The following TBC1D9B variants were observed in gnomAD, a reference collection of about 807,000 sequenced individuals.
TBC1D9B encodes the protein TBC1 domain family member 9B, also known as TBC1 domain family, member 9B (with GRAM domain).
A neutral mutation model predicts 121.1 loss-of-function variants in TBC1D9B; 87 were observed. That is an observed-to-expected ratio of 0.72 (90% CI 0.60 to 0.86). The LOEUF is 0.86. Among genes scored for constraint, TBC1D9B ranks in the 40% least tolerant of loss-of-function variants. The pLI, the probability that TBC1D9B is intolerant of heterozygous loss-of-function variation, is 0.00. For synonymous variants in TBC1D9B, 668 were observed against 670.1 expected, an observed-to-expected ratio of 1.00 and a Z score of 0.05; for missense variants, 1,540 against 1,628.6, an observed-to-expected ratio of 0.95 and a Z score of 0.94.
intron 14 of TBC1D9B, chr5:179,872,180 C>T (rs1033421544): frequency 2.6e-5 from 4 of 155,430 alleles, no homozygotes; most frequent in Non-Finnish European, 5.7e-5. Flanking sequence ...CCAGGATGGG[C>T]GTGGGGGAGC....
chr5:179,888,557 G>C (rs1363117906), intron 6 of TBC1D9B, among the ~76,000 whole-genome samples: 1 of 152,202 alleles, frequency 6.6e-6, no homozygotes, highest in East Asian at 1.9e-4. Context: ...GGGTGGTTCT[G>C]AGGATGATGT....
At position 179,902,501 on chromosome 5, in the gene TBC1D9B, G is replaced by A. The variant is rs926509806; in HGVS notation, c.229+2201C>T. On this transcript the variant is annotated intron_variant, in intron 2 of 20. Coordinates refer to ENST00000355235, the MANE Select transcript of TBC1D9B (RefSeq NM_015043.4). The surrounding 1 kb of genome is among the most constrained non-coding windows in gnomAD (Gnocchi z 4.9). Reference sequence around the variant, plus strand: ...TGGCAGGAAAGGGAGGCACAGCCAGGGCCAGTGCAGGGCTTTGGGCCTGGC... The same window carrying A: ...TGGCAGGAAAGGGAGGCACAGCCAGAGCCAGTGCAGGGCTTTGGGCCTGGC... Among the ~76,000 whole-genome samples, 1 of 152,192 alleles carries A rather than the reference G, an allele frequency of 6.6e-6. No individual in the cohort carries two copies. Among genetic ancestry groups the A allele is most frequent in the Admixed American group, 6.5e-5 (1 of 15,284 alleles).
At chr5:179,893,891 G>A (rs1760943073) in intron 4 of TBC1D9B, among the ~76,000 whole-genome samples, 1 of 152,212 alleles carries the variant, frequency 6.6e-6, no homozygotes, top group African/African-American at 2.4e-5. Flanking sequence ...GCAGGAGGGG[G>A]CACAGGGAGG....
intron 17 of TBC1D9B, chr5:179,869,525 T>C (rs1191584858): frequency 1.5e-6 from 1 of 666,468 alleles, no homozygotes; most frequent in Non-Finnish European, 2.8e-6. Flanking sequence ...GTGGGAGTTC[T>C]GTACCCAGCA....
rs1227893157 is a variant in TBC1D9B at position 179,875,193 on chromosome 5, G to A, written c.1901-6C>T. 4 of 1,611,814 alleles carry A rather than the reference G, an allele frequency of 2.5e-6. No homozygotes were observed. Among genetic ancestry groups the A allele is most frequent in the Admixed American group, 1.7e-5 (1 of 60,006 alleles). On this transcript the variant is annotated splice_polypyrimidine_tract_variant and splice_region_variant and intron_variant, in intron 11 of 20. Coordinates refer to ENST00000355235, the MANE Select transcript of TBC1D9B (RefSeq NM_015043.4). This position sits in a 1 kb window ranked among gnomAD's most constrained non-coding sequence, Gnocchi z 4.5. ...GCCTTGGTCCACCAGGGCTCCTGCG[G>A]GCAGGATGAGCGAGGCTGATGGTGA...
rs921377763 is a variant in TBC1D9B, at chr5:179,891,295, G to A, written c.1044+84C>T. ...TCCCAGGTACCCCCCAGTGAGACAGGGCAGAGCAGGACAGGCTGGTCCCTG... is the reference window on the plus strand; with the variant it reads ...TCCCAGGTACCCCCCAGTGAGACAGAGCAGAGCAGGACAGGCTGGTCCCTG... On this transcript the variant is annotated intron_variant, in intron 6 of 20. Transcript: ENST00000355235. The surrounding 1 kb of genome is among the most constrained non-coding windows in gnomAD (Gnocchi z 4.3). The A allele has an allele frequency of 2.6e-6, 4 of 1,510,208 alleles. No homozygotes were observed. Among genetic ancestry groups the A allele is most frequent in the East Asian group, 2.3e-5 (1 of 44,092 alleles). The allele number at this position is 1,510,208 out of a possible 1,614,324, so 93.6% of individuals were successfully genotyped here. A position where few individuals can be genotyped will look rare whatever the true frequency, so the allele number is the denominator to read the frequency against.
rs775677343 is a variant in TBC1D9B at position 179,871,483 on chromosome 5, C to G, written c.2463G>C (p.Glu821Asp). The G allele has an allele frequency of 9.3e-6, 15 of 1,613,182 alleles. No individual in the cohort carries two copies. In the South Asian group the frequency reaches 1.5e-4, roughly 17 times the overall value. Residue 821 changes from glutamate (E) to aspartate (D), a missense_variant, in exon 15 of 21, where the codon GAG (glutamate) becomes GAC (aspartate). Glu to Asp is a conservative substitution (Grantham distance 45). Transcript: ENST00000355235. ...TCACCTTAAACACCATGTAAAGGTC[C>G]TCCAGCTCTTCAATGGAGAAACCAA... ...VDIGFSIEELEDLYMVFKAKH... is the reference protein window; with the variant it reads ...VDIGFSIEELDDLYMVFKAKH...
Position 179,904,701 on chromosome 5 carries a change from C to T in TBC1D9B, c.229+1G>A, listed in dbSNP as rs1321071040. 4 of 1,563,724 alleles carry T rather than the reference C, an allele frequency of 2.6e-6. No homozygotes were observed. ...CACCCCTCACCACTCAGGGCACCTA[C>T]CACACGCCACTGTCCAGTAGACCTG... On this transcript the variant is annotated splice_donor_variant, in intron 2 of 20. Coordinates refer to ENST00000355235, the MANE Select transcript of TBC1D9B (RefSeq NM_015043.4). LOFTEE classifies it high-confidence loss of function. The surrounding 1 kb of genome is among the most constrained non-coding windows in gnomAD (Gnocchi z 4.2).
rs1183120015 is a variant in TBC1D9B, at chr5:179,899,307, C to T, written c.230G>A (p.Gly77Asp). Reference protein sequence around the residue: ...DSQVYWTVACGSSRKEITKHW... With the variant: ...DSQVYWTVACDSSRKEITKHW... Reference sequence around the variant, plus strand: ...TTTTGTGATCTCTTTGCGGGAAGAACCTAGAAGAGGTTTGGTAAAGTAAAA... The same window carrying T: ...TTTTGTGATCTCTTTGCGGGAAGAATCTAGAAGAGGTTTGGTAAAGTAAAA... Residue 77 changes from glycine (G) to aspartate (D), a missense_variant and splice_region_variant, in exon 3 of 21, where the codon GGT becomes GAT. By Grantham distance (94) the Gly-to-Asp change is moderately conservative. Coordinates refer to ENST00000355235, the MANE Select transcript of TBC1D9B (RefSeq NM_015043.4). The T allele has an allele frequency of 6.2e-7, 1 of 1,613,102 alleles. No individual in the cohort carries two copies. The highest frequency in any genetic ancestry group is 8.5e-7 in the Non-Finnish European group (1 of 1,179,638).
intron 7 of TBC1D9B, among the ~76,000 whole-genome samples, chr5:179,883,571 C>G (rs1291250759): frequency 2.7e-5 from 4 of 150,902 alleles, no homozygotes; most frequent in Non-Finnish European, 5.9e-5. Context: ...CCTGTCAACT[C>G]TCTTCATATT....
At chr5:179,879,466 G>A in intron 8 of TBC1D9B, 162 bp downstream of exon 8, 2 of 1,185,682 alleles carry the variant, frequency 1.7e-6, no homozygotes. Flanking sequence ...CCCCCAGAGA[G>A]TGCCTGCTCC....
At chr5:179,873,506 G>C (rs962901814) in intron 12 of TBC1D9B, among the ~76,000 whole-genome samples, 1 of 152,188 alleles carries the variant, frequency 6.6e-6, no homozygotes, top group African/African-American at 2.4e-5. Flanking sequence ...CTTAGTCAGT[G>C]GGGGGGTCCC....
In TBC1D9B at chr5:179,874,701, T is replaced by C. The variant is rs1366946982; in HGVS notation, c.2186+201A>G. ...CATGCTCTGCCCGCAGTGCCTGCTT[T>C]ACTCCTCCTGGCACCTATCACTGAG... is the stretch of plus-strand genomic sequence containing the variant. On this transcript the variant is annotated intron_variant, in intron 12 of 20. Transcript: ENST00000355235. The surrounding 1 kb of genome is among the most constrained non-coding windows in gnomAD (Gnocchi z 4.3). Among the ~76,000 whole-genome samples, 1 of 152,212 alleles carries C rather than the reference T, an allele frequency of 6.6e-6. No individual in the cohort carries two copies. The highest frequency in any genetic ancestry group is 1.5e-5 in the Non-Finnish European group (1 of 68,036).
At chr5:179,886,678 C>A (rs148099720) in intron 7 of TBC1D9B, among the ~76,000 whole-genome samples, 4 of 152,252 alleles carry the variant, frequency 2.6e-5, no homozygotes, top group Non-Finnish European at 2.9e-5. Flanking sequence ...ATGGAGGACA[C>A]GCACAGCCCC....
At position 179,879,127 on chromosome 5, in the gene TBC1D9B, T is replaced by A. The variant is rs1487005269; in HGVS notation, c.1487A>T (p.Tyr496Phe). 6.2e-7 allele frequency: 1 copy of A among 1,607,930 alleles called. No homozygotes were observed. Among genetic ancestry groups the A allele is most frequent in the Non-Finnish European group, 8.5e-7 (1 of 1,179,882 alleles). Residue 496 changes from tyrosine (Y) to phenylalanine (F), a missense_variant, in exon 9 of 21, where the codon TAC becomes TTC. Transcript: ENST00000355235. Reference sequence around the variant, plus strand: ...CAGTGCCCGCGTCTTGGCTGTGCGGTACATGCACACGCCACGCCCGTACTC... The same window carrying A: ...CAGTGCCCGCGTCTTGGCTGTGCGGAACATGCACACGCCACGCCCGTACTC... ...FFEYGRGVCM[Y>F]RTAKTRALVL...
At chr5:179,887,929 G>T in intron 7 of TBC1D9B, 174 bp downstream of exon 7, 1 of 754,728 alleles carries the variant, frequency 1.3e-6, no homozygotes, top group Non-Finnish European at 2.2e-6. Flanking sequence ...AGGCTGTGAT[G>T]TTGCTGGGCA....
intron 10 of TBC1D9B, among the ~76,000 whole-genome samples, chr5:179,878,037 G>C (rs1378539000): frequency 2.0e-5 from 3 of 152,200 alleles, no homozygotes; most frequent in African/African-American, 7.2e-5. Context: ...GTGAAGATGG[G>C]ACATTTTATG....
chr5:179,899,712 G>A (rs1416895981), intron 2 of TBC1D9B, among the ~76,000 whole-genome samples: 1 of 152,214 alleles, frequency 6.6e-6, no homozygotes. Flanking sequence ...GTCATACTTT[G>A]TATAAATGAG....
intron 10 of TBC1D9B, 28 bp downstream of exon 10, chr5:179,878,281 G>T: frequency 6.3e-7 from 1 of 1,593,264 alleles, no homozygotes; most frequent in Non-Finnish European, 8.5e-7. Context: ...GGCAGATGCT[G>T]TCTCTGGGCC....
Sources: allele counts gnomAD v4.1 joint callset (sites outside exome capture counted in the v4.1 genomes callset), GRCh38; gene constraint gnomAD v4.1.1; non-coding constraint Gnocchi (gnomAD v3.1); transcripts MANE v1.5; gene names NCBI Gene and HGNC (gene_info 2026-07-23, HGNC 2026-07-21).